DNAJC16: variants seen among roughly 807,000 people sequenced by gnomAD.
DNAJC16 encodes DnaJ heat shock protein family (Hsp40) member C16.
In DNAJC16, 76 loss-of-function variants were observed where a neutral mutation model predicts 92.7. That is an observed-to-expected ratio of 0.82 (90% CI 0.68 to 0.99). DNAJC16 has a LOEUF of 0.99. Among genes scored for constraint, DNAJC16 ranks in the 50% least tolerant of loss-of-function variants. The probability of loss-of-function intolerance (pLI) is 0.00; values close to 1 mark genes in which losing one functional copy is unlikely to be tolerated. For synonymous variants in DNAJC16, 328 were observed against 358.7 expected (o/e 0.91, Z 0.97); for missense variants, 869 against 942.4 (o/e 0.92, Z 1.02).
intron 8 of DNAJC16, among the ~76,000 whole-genome samples, chr1:15,560,514 CCTT>C (rs1294931397): frequency 3.3e-5 from 5 of 152,244 alleles, no homozygotes; most frequent in Admixed American, 3.3e-4. Flanking sequence ...ATTCATTACA[CCTT>C]CTCAGGTGAA....
Position 15,569,956 on chromosome 1 carries a change from G to A in DNAJC16, c.*1779G>A, listed in dbSNP as rs1638914313. 6.6e-6 allele frequency: 1 copy of A among 152,512 alleles called. No individual in the cohort carries two copies. The highest frequency in any genetic ancestry group is 6.6e-5 in the Admixed American group (1 of 15,266). The allele number at this position is 152,512 out of a possible 1,614,324, so 9.4% of individuals were successfully genotyped here. On this transcript the variant is annotated 3_prime_UTR_variant, in exon 15 of 15. Coordinates refer to ENST00000375847, the MANE Select transcript of DNAJC16 (RefSeq NM_015291.4). ...TGAGCCACCACTCCCGGCTAAGTTA[G>A]TATTTCTTTAATCTTAATGCTTTAA...
intron 13 of DNAJC16, 46 bp downstream of exon 13, chr1:15,566,226 C>G (rs1251538777): frequency 1.4e-6 from 2 of 1,474,670 alleles, no homozygotes; most frequent in African/African-American, 2.8e-5. Flanking sequence ...CACCTGCCCC[C>G]CAGATCCTGT....
chr1:15,547,003 A>C, intron 6 of DNAJC16, 132 bp downstream of exon 6: 1 of 721,112 alleles, frequency 1.4e-6, no homozygotes, highest in Non-Finnish European at 2.2e-6. Context: ...AGTTTCATCC[A>C]TGAGAAATGT....
Position 15,566,189 on chromosome 1 carries a change from AAC to A in DNAJC16, c.1778+11_1778+12del, listed in dbSNP as rs1557589756. On this transcript the variant is annotated intron_variant, in intron 13 of 14. Transcript: ENST00000375847. ...ACCAAAGAAAACAGCAGGTTTCTCT[AAC>A]AAAACACCAGACTCACCTCCCCGGC... 1 of 1,611,182 alleles carries A rather than the reference AAC, an allele frequency of 6.2e-7. No homozygotes were observed. Among genetic ancestry groups the A allele is most frequent in the East Asian group, 2.2e-5 (1 of 44,872 alleles).
At chr1:15,536,856 C>A in intron 4 of DNAJC16, 42 bp downstream of exon 4, 2 of 1,189,388 alleles carry the variant, frequency 1.7e-6, no homozygotes, top group South Asian at 1.8e-5. Context: ...ATATAGATGA[C>A]TTTTTTTTTT....
At chr1:15,565,872 GAGA>G in intron 11 of DNAJC16, 44 bp from the exon 12 acceptor site, 1 of 1,565,166 alleles carries the variant, frequency 6.4e-7, no homozygotes, top group East Asian at 2.2e-5. Context: ...TTTAGCTGGA[GAGA>G]AGAAATTTTA....
Position 15,548,368 on chromosome 1 carries a change from C to T in DNAJC16, c.963C>T (p.Ile321=). The T allele has an allele frequency of 6.2e-7, 1 of 1,614,166 alleles. No homozygotes were observed. The highest frequency in any genetic ancestry group is 2.2e-5 in the East Asian group (1 of 44,882). ...EEMTRRYNIN[I]YAPTLLVFKE... Reference sequence around the variant, plus strand: ...TGACAAGGCGGTACAACATCAATATCTACGCCCCTACCCTCTTGGTCTTTA... The same window carrying T: ...TGACAAGGCGGTACAACATCAATATTTACGCCCCTACCCTCTTGGTCTTTA... Residue 321 remains isoleucine, a synonymous_variant, in exon 7 of 15, where the codon ATC becomes ATT. Coordinates refer to ENST00000375847, the MANE Select transcript of DNAJC16 (RefSeq NM_015291.4).
chr1:15,545,754 G>A (rs112348966), intron 5 of DNAJC16, among the ~76,000 whole-genome samples: 1,768 of 152,278 alleles, frequency 0.012, 40 homozygotes, highest in African/African-American at 0.039. Flanking sequence ...ACATGGAGCC[G>A]TTGTAGGGGT....
intron 7 of DNAJC16, among the ~76,000 whole-genome samples, chr1:15,555,922 C>T (rs1169039692): frequency 4.8e-5 from 7 of 146,582 alleles, no homozygotes; most frequent in Admixed American, 3.5e-4. Context: ...ACCCAGGAGG[C>T]GGAGGTTGTG....
In DNAJC16 at chr1:15,538,799, T is replaced by C. The variant is rs531635748; in HGVS notation, c.574+1985T>C. ...CTCATACTGTCTAGAAAAAAAGTCA[T>C]CCTAAATACTGGCAAAAATAACGCA... On this transcript the variant is annotated intron_variant, in intron 4 of 14. Transcript: ENST00000375847. Among the ~76,000 whole-genome samples the C allele has an allele frequency of 7.9e-5, 12 of 152,370 alleles. No individual in the cohort carries two copies. The East Asian group carries it at 2.3e-3, about 29-fold the overall frequency.
intron 4 of DNAJC16, among the ~76,000 whole-genome samples, chr1:15,542,942 T>A (rs1322988731): frequency 2.0e-5 from 3 of 152,134 alleles, no homozygotes; most frequent in Non-Finnish European, 4.4e-5. Context: ...ACACAATGAG[T>A]GTCAGGGAAA....
intron 9 of DNAJC16, 30 bp downstream of exon 9, chr1:15,562,355 G>C (rs1443574900): frequency 1.9e-6 from 3 of 1,587,562 alleles, no homozygotes; most frequent in Non-Finnish European, 2.6e-6. Context: ...CTCATCCCAG[G>C]CTCTTCATAA....
At chr1:15,552,264 G>C (rs1282495403) in intron 7 of DNAJC16, among the ~76,000 whole-genome samples, 1 of 151,584 alleles carries the variant, frequency 6.6e-6, no homozygotes, top group South Asian at 2.1e-4. Context: ...GAGGCAGGTG[G>C]ATCATGAGGT....
At chr1:15,534,741 C>T (rs948780649) in intron 3 of DNAJC16, among the ~76,000 whole-genome samples, 1 of 151,966 alleles carries the variant, frequency 6.6e-6, no homozygotes, top group Admixed American at 6.6e-5. Flanking sequence ...AATAATAGAA[C>T]ATATTTGGCC....
intron 13 of DNAJC16, chr1:15,566,579 C>G (rs1480855883): frequency 1.5e-5 from 3 of 196,208 alleles, no homozygotes; most frequent in Non-Finnish European, 3.2e-5. Flanking sequence ...AGAGCAACTT[C>G]TGCACCTGAA....
intron 1 of DNAJC16, among the ~76,000 whole-genome samples, chr1:15,527,579 C>G (rs1341566978): frequency 6.6e-6 from 1 of 152,148 alleles, no homozygotes; most frequent in African/African-American, 2.4e-5. Context: ...AGAATAGATC[C>G]TAGTCTTCAA....
At chr1:15,555,666 A>AG (rs1320579337) in intron 7 of DNAJC16, among the ~76,000 whole-genome samples, 1 of 135,154 alleles carries the variant, frequency 7.4e-6, no homozygotes, top group African/African-American at 2.8e-5. Flanking sequence ...TGGGCGACAG[A>AG]GTGAGACTCC....
At chr1:15,529,362 C>G (rs572079680) in intron 2 of DNAJC16, 90 bp downstream of exon 2, 2 of 1,308,258 alleles carry the variant, frequency 1.5e-6, no homozygotes, top group Non-Finnish European at 2.1e-6. Context: ...TTATTTGTCT[C>G]TGTTTCTATG....
At chr1:15,538,562 A>G (rs1253248964) in intron 4 of DNAJC16, among the ~76,000 whole-genome samples, 3 of 151,466 alleles carry the variant, frequency 2.0e-5, no homozygotes, top group East Asian at 2.0e-4. Flanking sequence ...TAGTAAAAAT[A>G]CAAAATTAGC....
Sources: gnomAD v4.1 joint callset for allele counts (sites outside exome capture counted in the v4.1 genomes callset) on GRCh38, gnomAD v4.1.1 for gene constraint, MANE v1.5 for transcripts, NCBI Gene and HGNC (gene_info 2026-07-23, HGNC 2026-07-21) for gene names.